PDE12: variants seen among roughly 807,000 people sequenced by gnomAD.
PDE12 encodes phosphodiesterase 12.
Under a neutral mutation model 45.4 loss-of-function variants are expected in PDE12, and 26 were observed. The observed-to-expected ratio is 0.57, with a 90% CI of 0.42 to 0.79. The LOEUF is 0.79. Ranked by LOEUF, PDE12 falls within the 30% of genes least tolerant of loss-of-function variation. The pLI is 0.00. For missense variants in PDE12, 668 were observed against 790.0 expected (o/e 0.85, Z 1.85); for synonymous variants, 283 against 323.9 (o/e 0.87, Z 1.36).
chr3:57,559,682 C>A lies in PDE12; in HGVS notation c.1508C>A (p.Thr503Lys). The A allele has an allele frequency of 6.2e-7, 1 of 1,614,162 alleles. No individual in the cohort carries two copies. Residue 503 changes from threonine (T) to lysine (K), a missense_variant, in exon 3 of 3, where the codon ACA (threonine) becomes AAA (lysine). Physicochemically the swap from Thr to Lys is moderately conservative, Grantham distance 78. Around this residue, in one of 3 missense-constraint regions of PDE12, gnomAD observed 580 missense variants for 662.9 expected, o/e 0.87. Coordinates refer to ENST00000311180, the MANE Select transcript of PDE12 (RefSeq NM_177966.7). ...FCGDFNSTPSTGMYHFVINGS... is the reference protein window; with the variant it reads ...FCGDFNSTPSKGMYHFVINGS... ...GGGGACTTTAATAGTACACCATCAA[C>A]AGGAATGTATCATTTTGTCATCAAT...
the PDE12 span, chr3:57,646,478 C>G: frequency 1.3e-6 from 2 of 1,558,276 alleles, no homozygotes; most frequent in African/African-American, 2.8e-5. Context: ...TTTAATGTAG[C>G]CAATCCTGTT....
At position 57,564,358 on chromosome 3, in the gene PDE12, T is replaced by G. The variant is rs1216903017; in HGVS notation, c.*4354T>G. 6.6e-6 allele frequency: 1 copy of G among 152,220 alleles called. No homozygotes were observed. Among genetic ancestry groups the G allele is most frequent in the Non-Finnish European group, 1.5e-5 (1 of 68,040 alleles). 9.4% of individuals were successfully genotyped at this position (152,220 alleles called of 1,614,324 possible). On this transcript the variant is annotated 3_prime_UTR_variant, in exon 3 of 3. Coordinates refer to ENST00000311180, the MANE Select transcript of PDE12 (RefSeq NM_177966.7). ...CATACTGTCAGTGTTAGATTTTTAC[T>G]CATAATTTAAAATTTCCCCGCAAAA...
the PDE12 span, among the ~76,000 whole-genome samples, chr3:57,572,519 G>A: frequency 4.6e-5 from 7 of 152,114 alleles, no homozygotes; most frequent in South Asian, 8.3e-4. Context: ...TTAGTAGTTC[G>A]AGACCAGCCT....
Position 57,563,299 on chromosome 3 carries a change from G to T in PDE12, c.*3295G>T, listed in dbSNP as rs919569900. The T allele has an allele frequency of 6.6e-6, 1 of 152,054 alleles. No homozygotes were observed. The highest frequency in any genetic ancestry group is 1.5e-5 in the Non-Finnish European group (1 of 68,008). 9.4% of individuals were successfully genotyped at this position (152,054 alleles called of 1,614,324 possible). ...TGATCCTCCTGCCTCAGCGTCCCAA[G>T]TAGTTGAGATTACAAGCCCAACCTT... On this transcript the variant is annotated 3_prime_UTR_variant, in exon 3 of 3. Coordinates refer to ENST00000311180, the MANE Select transcript of PDE12 (RefSeq NM_177966.7).
the PDE12 span, chr3:57,596,878 C>A: frequency 2.5e-4 from 152 of 596,298 alleles, 1 homozygote; most frequent in East Asian, 4.4e-3. Context: ...CCTGTCTCGT[C>A]TGGCGACAGA....
downstream of PDE12, among the ~76,000 whole-genome samples, chr3:57,569,829 C>CAAAAAAAAAAA (rs11310053): frequency 1.5e-5 from 1 of 67,878 alleles, no homozygotes; most frequent in Admixed American, 2.0e-4. Context: ...AAAACCATCT[C>CAAAAAAAAAAA]AAAAAAAAAA....
the PDE12 span, among the ~76,000 whole-genome samples, chr3:57,638,893 AG>A: frequency 1.3e-5 from 2 of 152,140 alleles, no homozygotes; most frequent in Non-Finnish European, 2.9e-5. Context: ...GCTTGAGCAC[AG>A]GAGTTTAGGA....
At chr3:57,570,719 G>T (rs1021676460), downstream of PDE12, among the ~76,000 whole-genome samples, 2 of 152,086 alleles carry the variant, frequency 1.3e-5, no homozygotes, top group South Asian at 4.1e-4. Context: ...GTATACCTTT[G>T]TATGAATTAT....
the PDE12 span, among the ~76,000 whole-genome samples, chr3:57,643,985 C>T: frequency 0.13 from 20,365 of 151,100 alleles, 1,443 homozygotes; most frequent in South Asian, 0.21. Context: ...CCTGTCTCTA[C>T]TAAAAATACA....
the PDE12 span, among the ~76,000 whole-genome samples, chr3:57,653,843 T>C: frequency 6.6e-6 from 1 of 150,542 alleles, no homozygotes; most frequent in East Asian, 1.9e-4. Flanking sequence ...TTTTTTTTTT[T>C]AGTACCACAT....
At chr3:57,614,333 T>G in the PDE12 span, among the ~76,000 whole-genome samples, 7 of 152,222 alleles carry the variant, frequency 4.6e-5, no homozygotes, top group East Asian at 1.2e-3. Context: ...ACACTGAAAT[T>G]AAATTAGAAG....
chr3:57,557,486 G>A lies in PDE12; in HGVS notation c.1107G>A (p.Gly369=), dbSNP rs759190395. Reference sequence around the variant, plus strand: ...TGGTACCCGCCCTAGAGGCCTTCGGGCTCGAGGGGGTGTTTCGAATCAAGC... The same window carrying A: ...TGGTACCCGCCCTAGAGGCCTTCGGACTCGAGGGGGTGTTTCGAATCAAGC... ...DSLVPALEAF[G]LEGVFRIKQH... Residue 369 remains glycine (G), a synonymous_variant, in exon 1 of 3, where the codon GGG becomes GGA. Coordinates refer to ENST00000311180, the MANE Select transcript of PDE12 (RefSeq NM_177966.7). The A allele has an allele frequency of 1.1e-5, 18 of 1,613,868 alleles. No individual in the cohort carries two copies. Among genetic ancestry groups the A allele is most frequent in the Admixed American group, 1.0e-4 (6 of 59,966 alleles).
chr3:57,594,336 A>T, the PDE12 span, among the ~76,000 whole-genome samples: 1 of 152,172 alleles, frequency 6.6e-6, no homozygotes, highest in African/African-American at 2.4e-5. Flanking sequence ...GATCCTCCCA[A>T]CCTGGCCTCC....
At chr3:57,654,467 A>C in the PDE12 span, among the ~76,000 whole-genome samples, 1 of 152,142 alleles carries the variant, frequency 6.6e-6, no homozygotes, top group African/African-American at 2.4e-5. Context: ...AGCCAAAATA[A>C]CTTGTTTCTC....
the PDE12 span, among the ~76,000 whole-genome samples, chr3:57,618,385 AG>A: frequency 2.0e-5 from 3 of 152,126 alleles, no homozygotes; most frequent in African/African-American, 7.2e-5. Flanking sequence ...CAATAGATGC[AG>A]ATACAAATGC....
chr3:57,608,478 G>C, the PDE12 span, among the ~76,000 whole-genome samples: 1 of 152,002 alleles, frequency 6.6e-6, no homozygotes, highest in Non-Finnish European at 1.5e-5. Flanking sequence ...TCAGTGTGCT[G>C]TATTCAGGAG....
the PDE12 span, among the ~76,000 whole-genome samples, chr3:57,613,900 CAAAAAA>C: frequency 1.9e-3 from 110 of 59,454 alleles, no homozygotes; most frequent in African/African-American, 7.1e-3. Flanking sequence ...GACTCCATCT[CAAAAAA>C]AAAAAAAAAA....
the PDE12 span, among the ~76,000 whole-genome samples, chr3:57,576,485 G>T: frequency 6.8e-6 from 1 of 147,578 alleles, no homozygotes; most frequent in Admixed American, 6.8e-5. Context: ...TATAGTGTGT[G>T]AAGTATGTCT....
At chr3:57,602,581 T>G in the PDE12 span, among the ~76,000 whole-genome samples, 1 of 152,172 alleles carries the variant, frequency 6.6e-6, no homozygotes, top group Non-Finnish European at 1.5e-5. Flanking sequence ...CCTCTTTTTT[T>G]GTTTTTTGAG....
Sources: allele counts gnomAD v4.1 joint callset (sites outside exome capture counted in the v4.1 genomes callset), GRCh38; gene constraint gnomAD v4.1.1; regional missense constraint gnomAD v4.1.1; transcripts MANE v1.5; gene names NCBI Gene and HGNC (gene_info 2026-07-23, HGNC 2026-07-21).